Variants in CAPN3 observed in about 807,000 individuals in gnomAD.
CAPN3 encodes calpain 3.
Under a neutral mutation model 114.0 loss-of-function variants are expected in CAPN3, and 88 were observed. The observed-to-expected ratio is 0.77, with a 90% CI of 0.65 to 0.92. The LOEUF (loss-of-function observed/expected upper bound fraction) is 0.92. Ranked by LOEUF, CAPN3 falls within the 40% of genes least tolerant of loss-of-function variation. CAPN3 has a pLI of 0.00. For synonymous variants in CAPN3, 386 were observed against 382.9 expected (o/e 1.01, Z -0.09); for missense variants, 1,028 against 1,069.0 (o/e 0.96, Z 0.53).
intron 1 of CAPN3, among the ~76,000 whole-genome samples, chr15:42,377,641 A>G (rs2053125075): frequency 6.6e-6 from 1 of 152,110 alleles, no homozygotes; most frequent in Non-Finnish European, 1.5e-5. Flanking sequence ...TTATTAGAGT[A>G]TCTTTTACTG....
chr15:42,403,615 C>A lies in CAPN3; in HGVS notation c.1746-126C>A, dbSNP rs548499870. On this transcript the variant is annotated intron_variant, in intron 13 of 23. Coordinates refer to ENST00000397163, the MANE Select transcript of CAPN3 (RefSeq NM_000070.3). ...GGCTGGTTCCTGGGGTTGGGGTGTTCCAGGGGTTCTCTAGAGGCTGGTTCT... is the reference window on the plus strand; with the variant it reads ...GGCTGGTTCCTGGGGTTGGGGTGTTACAGGGGTTCTCTAGAGGCTGGTTCT... 1.1e-3 allele frequency: 983 copies of A among 866,588 alleles called. 2 individuals are homozygous for A. Among genetic ancestry groups the A allele is most frequent in the Non-Finnish European group, 1.4e-3 (697 of 503,974 alleles). 53.7% of individuals were successfully genotyped at this position (866,588 alleles called of 1,614,324 possible). A position where few individuals can be genotyped will look rare whatever the true frequency, so the allele number is the denominator to read the frequency against.
At chr15:42,371,507 A>T (rs1189002287) in intron 1 of CAPN3, among the ~76,000 whole-genome samples, 1 of 152,224 alleles carries the variant, frequency 6.6e-6, no homozygotes, top group East Asian at 1.9e-4. Context: ...TTCACTGTAC[A>T]TGAAACACCT....
At chr15:42,368,328 G>A (rs2052842176) in intron 1 of CAPN3, among the ~76,000 whole-genome samples, 3 of 152,090 alleles carry the variant, frequency 2.0e-5, no homozygotes, top group Admixed American at 1.3e-4. Context: ...TCATTTCTGT[G>A]CTTTTTATTG....
At position 42,402,317 on chromosome 15, in the gene CAPN3, T is replaced by A. The variant is rs2053895430; in HGVS notation, c.1536+182T>A. ...CTCAGGGCATTGCATGACCCATGAC[T>A]ACCACCCCCAGGATGTGCACTTTCT... On this transcript the variant is annotated intron_variant, in intron 12 of 23. Coordinates refer to ENST00000397163, the MANE Select transcript of CAPN3 (RefSeq NM_000070.3). 5.2e-6 allele frequency: 8 copies of A among 1,536,704 alleles called. No homozygotes were observed. The South Asian group carries it at 9.6e-5, about 18-fold the overall frequency.
chr15:42,411,220 G>A, intron 22 of CAPN3, 67 bp from the exon 23 acceptor site: 1 of 1,345,122 alleles, frequency 7.4e-7, no homozygotes, highest in Non-Finnish European at 1.1e-6. Flanking sequence ...GTCCTCTGAG[G>A]GGAAGTTACA....
Position 42,386,218 on chromosome 15 carries a change from T to A in CAPN3, c.431T>A (p.Leu144His), listed in dbSNP as rs765001171. The A allele has an allele frequency of 6.2e-7, 1 of 1,614,130 alleles. No individual in the cohort carries two copies. Among genetic ancestry groups the A allele is most frequent in the East Asian group, 2.2e-5 (1 of 44,880 alleles). Reference sequence around the variant, plus strand: ...GCCTGCCTGACCCTGAACCAGCACCTTCTTTTCCGAGTCATACCCCATGAT... The same window carrying A: ...GCCTGCCTGACCCTGAACCAGCACCATCTTTTCCGAGTCATACCCCATGAT... ...AIACLTLNQH[L>H]LFRVIPHDQS... Residue 144 changes from leucine to histidine, a missense_variant, in exon 3 of 24, where the codon CTT becomes CAT. Coordinates refer to ENST00000397163, the MANE Select transcript of CAPN3 (RefSeq NM_000070.3).
At chr15:42,372,331 G>A (rs1195664837) in intron 1 of CAPN3, among the ~76,000 whole-genome samples, 2 of 151,998 alleles carry the variant, frequency 1.3e-5, no homozygotes, top group African/African-American at 4.8e-5. Flanking sequence ...GGCTAATTTT[G>A]TATTTTTAGT....
chr15:42,386,283 C>G lies in CAPN3; in HGVS notation c.496C>G (p.Gln166Glu). ...IENYAGIFHF[Q>E]FWRYGEWVDV... is the part of the protein sequence containing the mutation. ...AAACTACGCAGGGATCTTCCACTTC[C>G]AGGTGAGGTAATGAGAGTGTAGTTA... Residue 166 changes from glutamine to glutamate, a missense_variant and splice_region_variant, in exon 3 of 24, where the codon CAG (glutamine) becomes GAG (glutamate). Gln to Glu is a conservative substitution (Grantham distance 29). Coordinates refer to ENST00000397163, the MANE Select transcript of CAPN3 (RefSeq NM_000070.3). 1.9e-6 allele frequency: 3 copies of G among 1,603,612 alleles called. No homozygotes were observed. Among genetic ancestry groups the G allele is most frequent in the Non-Finnish European group, 2.6e-6 (3 of 1,170,436 alleles).
chr15:42,403,880 T>G, intron 14 of CAPN3, 103 bp downstream of exon 14: 1 of 1,030,244 alleles, frequency 9.7e-7, no homozygotes, highest in South Asian at 1.3e-5. Flanking sequence ...GCAGAGGGAA[T>G]GGGAGTCTGG....
intron 14 of CAPN3, chr15:42,404,845 T>A (rs1327903731): frequency 9.3e-7 from 1 of 1,072,664 alleles, no homozygotes; most frequent in African/African-American, 1.6e-5. Context: ...GGCGATTGGT[T>A]TTAGTGGTAG....
At chr15:42,406,040 C>CA in intron 15 of CAPN3, 97 bp downstream of exon 15, 1 of 1,084,554 alleles carries the variant, frequency 9.2e-7, no homozygotes, top group Non-Finnish European at 1.4e-6. Context: ...TGCATCCATG[C>CA]ACCAGACTTG....
chr15:42,375,034 T>C (rs2053053153), intron 1 of CAPN3, among the ~76,000 whole-genome samples: 1 of 144,654 alleles, frequency 6.9e-6, no homozygotes, highest in African/African-American at 2.6e-5. Flanking sequence ...TTTATTTATT[T>C]ATAGAGATGG....
chr15:42,411,409 G>A (rs1370419437), intron 23 of CAPN3, 64 bp downstream of exon 23: 3 of 1,438,548 alleles, frequency 2.1e-6, no homozygotes, highest in Admixed American at 3.3e-5. Context: ...GGTCAACGGG[G>A]CGGACTGGAC....
At chr15:42,402,764 C>T (rs758448723) in intron 12 of CAPN3, 30 bp from the exon 13 acceptor site, 16 of 1,608,714 alleles carry the variant, frequency 9.9e-6, no homozygotes, top group African/African-American at 4.0e-5. Flanking sequence ...CCGAGGGGCT[C>T]ATGTGCCCTG....
chr15:42,407,744 G>A (rs1201954268), intron 15 of CAPN3, among the ~76,000 whole-genome samples: 3 of 152,200 alleles, frequency 2.0e-5, no homozygotes, highest in Non-Finnish European at 4.4e-5. Context: ...ACTTTGCAGG[G>A]TTGTAGAGGT....
At chr15:42,361,545 T>C (rs911236682) in intron 1 of CAPN3, among the ~76,000 whole-genome samples, 3 of 152,006 alleles carry the variant, frequency 2.0e-5, no homozygotes, top group African/African-American at 7.3e-5. Flanking sequence ...GGGGCTCTTC[T>C]TGGTTCTATG....
chr15:42,409,268 C>T, intron 16 of CAPN3, 35 bp from the exon 17 acceptor site: 4 of 1,605,524 alleles, frequency 2.5e-6, no homozygotes, highest in Non-Finnish European at 3.4e-6. Flanking sequence ...GCACCTCTGA[C>T]CCCTGTGAAC....
At chr15:42,392,524 A>G (rs1595826515) in intron 6 of CAPN3, 115 bp from the exon 7 acceptor site, 1 of 772,248 alleles carries the variant, frequency 1.3e-6, no homozygotes, top group Non-Finnish European at 2.3e-6. Flanking sequence ...TTCAGGGAGC[A>G]GAGTGGTCTG....
chr15:42,404,286 A>T, intron 14 of CAPN3: 1 of 456,580 alleles, frequency 2.2e-6, no homozygotes, highest in South Asian at 1.5e-5. Flanking sequence ...GTGAGGCTTC[A>T]TCAATGAGGT....
Sources: gnomAD v4.1 joint callset for allele counts (sites outside exome capture counted in the v4.1 genomes callset) on GRCh38, gnomAD v4.1.1 for gene constraint, MANE v1.5 for transcripts, NCBI Gene and HGNC (gene_info 2026-07-23, HGNC 2026-07-21) for gene names.